TPMT: variants seen among roughly 807,000 people sequenced by gnomAD.
TPMT encodes thiopurine S-methyltransferase.
Under a neutral mutation model 34.2 loss-of-function variants are expected in TPMT, and 18 were observed. The observed-to-expected ratio is 0.53, with a 90% CI of 0.36 to 0.78. TPMT has a LOEUF of 0.78. Ranked by LOEUF, TPMT falls within the 30% of genes least tolerant of loss-of-function variation. TPMT has a pLI of 0.00. For missense variants in TPMT, 265 were observed against 288.1 expected (o/e 0.92, Z 0.58); for synonymous variants, 69 against 92.4 (o/e 0.75, Z 1.45).
In TPMT at chr6:18,136,520, G is replaced by C. The variant is rs1784042647; in HGVS notation, c.494+2443C>G. 6.6e-6 allele frequency among the ~76,000 whole-genome samples: 1 copy of C among 152,096 alleles called. No individual in the cohort carries two copies. Among genetic ancestry groups the C allele is most frequent in the Non-Finnish European group, 1.5e-5 (1 of 67,990 alleles). On this transcript the variant is annotated intron_variant, in intron 6 of 8. Transcript: ENST00000309983. The surrounding 1 kb of genome is among the most constrained non-coding windows in gnomAD (Gnocchi z 4.7). ...TAACAGAATTGATCTTTAAAGATTT[G>C]ATTTTTCAGCCAGGCGTGGTGGCTT...
At position 18,139,381 on chromosome 6, in the gene TPMT, T is replaced by A. The variant is rs1459478447; in HGVS notation, c.419+284A>T. On this transcript the variant is annotated intron_variant, in intron 5 of 8. Coordinates refer to ENST00000309983, the MANE Select transcript of TPMT (RefSeq NM_000367.5). The surrounding 1 kb of genome is among the most constrained non-coding windows in gnomAD (Gnocchi z 4.2). ...TCTCCCTTGGCTACTTGAAATTCATTTCTATTACAGGCCCAGGTGCAAGGT... is the reference window on the plus strand; with the variant it reads ...TCTCCCTTGGCTACTTGAAATTCATATCTATTACAGGCCCAGGTGCAAGGT... 6.6e-6 allele frequency among the ~76,000 whole-genome samples: 1 copy of A among 152,192 alleles called. No homozygotes were observed. Among genetic ancestry groups the A allele is most frequent in the African/African-American group, 2.4e-5 (1 of 41,446 alleles).
intron 1 of TPMT, among the ~76,000 whole-genome samples, chr6:18,152,766 T>C (rs1784377615): frequency 6.6e-6 from 1 of 152,090 alleles, no homozygotes; most frequent in Non-Finnish European, 1.5e-5. Context: ...CCTCCTCTCT[T>C]GCTAACCACA....
At chr6:18,144,240 T>G (rs1370651860) in intron 3 of TPMT, among the ~76,000 whole-genome samples, 1 of 152,244 alleles carries the variant, frequency 6.6e-6, no homozygotes, top group African/African-American at 2.4e-5. Flanking sequence ...GCTACTGTAC[T>G]AAAGTGAACA....
intron 1 of TPMT, among the ~76,000 whole-genome samples, chr6:18,152,174 A>G (rs1162114185): frequency 6.6e-6 from 1 of 152,132 alleles, no homozygotes; most frequent in African/African-American, 2.4e-5. Flanking sequence ...GCTAATCCTG[A>G]GCATTTGGGG....
At position 18,153,485 on chromosome 6, in the gene TPMT, G is replaced by A. The variant is rs972188005; in HGVS notation, c.-45+1548C>T. ...AATTTAATGATTAATCTGTGAAATA[G>A]CAAACATTGCATAAAAGCATGTATT... On this transcript the variant is annotated intron_variant, in intron 1 of 8. Coordinates refer to ENST00000309983, the MANE Select transcript of TPMT (RefSeq NM_000367.5). This position sits in a 1 kb window ranked among gnomAD's most constrained non-coding sequence, Gnocchi z 4.2. Among the ~76,000 whole-genome samples the A allele has an allele frequency of 6.6e-6, 1 of 152,162 alleles. No individual in the cohort carries two copies. Among genetic ancestry groups the A allele is most frequent in the South Asian group, 2.1e-4 (1 of 4,826 alleles).
In TPMT at chr6:18,136,783, C is replaced by T. The variant is rs1784048420; in HGVS notation, c.494+2180G>A. Among the ~76,000 whole-genome samples, 1 of 152,162 alleles carries T rather than the reference C, an allele frequency of 6.6e-6. No homozygotes were observed. Among genetic ancestry groups the T allele is most frequent in the South Asian group, 2.1e-4 (1 of 4,832 alleles). On this transcript the variant is annotated intron_variant, in intron 6 of 8. Transcript: ENST00000309983. The surrounding 1 kb of genome is among the most constrained non-coding windows in gnomAD (Gnocchi z 4.7). ...CGAGATAGTGCCATTGCACTCCAGCCTGGGCAACAAGAGCGAAACTCTGTC... is the reference window on the plus strand; with the variant it reads ...CGAGATAGTGCCATTGCACTCCAGCTTGGGCAACAAGAGCGAAACTCTGTC...
In TPMT at chr6:18,135,030, C is replaced by T. The variant is rs533769284; in HGVS notation, c.495-1141G>A. Reference sequence around the variant, plus strand: ...GTGCAGACTCTATGAGATGCCCAGGCTCAAACCCCAGCTCCTCTACTGACT... The same window carrying T: ...GTGCAGACTCTATGAGATGCCCAGGTTCAAACCCCAGCTCCTCTACTGACT... On this transcript the variant is annotated intron_variant, in intron 6 of 8. Coordinates refer to ENST00000309983, the MANE Select transcript of TPMT (RefSeq NM_000367.5). This position sits in a 1 kb window ranked among gnomAD's most constrained non-coding sequence, Gnocchi z 5.0. Among the ~76,000 whole-genome samples, 6 of 152,298 alleles carry T rather than the reference C, an allele frequency of 3.9e-5. No homozygotes were observed. Among genetic ancestry groups the T allele is most frequent in the African/African-American group, 1.4e-4 (6 of 41,562 alleles).
chr6:18,150,292 G>A lies in TPMT; in HGVS notation c.-44-1121C>T, dbSNP rs934306716. Among the ~76,000 whole-genome samples the A allele has an allele frequency of 4.6e-5, 7 of 152,190 alleles. No individual in the cohort carries two copies. The highest frequency in any genetic ancestry group is 1.7e-4 in the African/African-American group (7 of 41,454). On this transcript the variant is annotated intron_variant, in intron 1 of 8. Transcript: ENST00000309983. The surrounding 1 kb of genome is among the most constrained non-coding windows in gnomAD (Gnocchi z 5.3). ...ACCTTCACCTGTTGAGCTATTAGGA[G>A]GCTCTCCAAACCCCATCCTCTTGGG...
At position 18,136,110 on chromosome 6, in the gene TPMT, A is replaced by G. The variant is rs1253415268; in HGVS notation, c.495-2221T>C. Among the ~76,000 whole-genome samples, 2 of 152,058 alleles carry G rather than the reference A, an allele frequency of 1.3e-5. No homozygotes were observed. Among genetic ancestry groups the G allele is most frequent in the Admixed American group, 6.6e-5 (1 of 15,254 alleles). ...CGTGGTGACTTTTAGTTTGCTTCCC[A>G]CTGCTTGGTGGATTTTACCATGCCA... On this transcript the variant is annotated intron_variant, in intron 6 of 8. Coordinates refer to ENST00000309983, the MANE Select transcript of TPMT (RefSeq NM_000367.5). This position sits in a 1 kb window ranked among gnomAD's most constrained non-coding sequence, Gnocchi z 4.7.
rs756428932 is a variant in TPMT at position 18,131,103 on chromosome 6, G to A, written c.626-323C>T. Among the ~76,000 whole-genome samples the A allele has an allele frequency of 1.3e-5, 2 of 152,094 alleles. No individual in the cohort carries two copies. Among genetic ancestry groups the A allele is most frequent in the East Asian group, 1.9e-4 (1 of 5,168 alleles). ...CAGTGAGCTGAGATTGCACCATCGC[G>A]CTCTAGCCTAGGCAACAAGAGCGAA... On this transcript the variant is annotated intron_variant, in intron 8 of 8. Transcript: ENST00000309983. This position sits in a 1 kb window ranked among gnomAD's most constrained non-coding sequence, Gnocchi z 4.3.
Position 18,139,800 on chromosome 6 carries a change from C to T in TPMT, c.367-83G>A. The T allele has an allele frequency of 1.1e-6, 1 of 876,912 alleles. No homozygotes were observed. The highest frequency in any genetic ancestry group is 1.8e-6 in the Non-Finnish European group (1 of 550,282). 54.3% of individuals were successfully genotyped at this position (876,912 alleles called of 1,614,324 possible). On this transcript the variant is annotated intron_variant, in intron 4 of 8. Coordinates refer to ENST00000309983, the MANE Select transcript of TPMT (RefSeq NM_000367.5). This position sits in a 1 kb window ranked among gnomAD's most constrained non-coding sequence, Gnocchi z 4.2. ...GTCAAGGAAAGAGGGCCAAGCAAAG[C>T]AAAAGTTCTAGGGAAAGAATGTGTT...
In TPMT at chr6:18,130,686, A is replaced by G. The variant is rs1333327023; in HGVS notation, c.720T>C (p.Tyr240=). 1 of 1,609,054 alleles carries G rather than the reference A, an allele frequency of 6.2e-7. No individual in the cohort carries two copies. The highest frequency in any genetic ancestry group is 8.5e-7 in the Non-Finnish European group (1 of 1,176,844). ...WGIDCLFEKL[Y]LLTEK is the part of the protein sequence containing the mutation. Reference sequence around the variant, plus strand: ...GTCTCATTTACTTTTCTGTAAGTAGATATAACTTTTCAAAAAGACAGTCAA... The same window carrying G: ...GTCTCATTTACTTTTCTGTAAGTAGGTATAACTTTTCAAAAAGACAGTCAA... Residue 240 remains tyrosine, a synonymous_variant, in exon 9 of 9, where the codon TAT becomes TAC. Coordinates refer to ENST00000309983, the MANE Select transcript of TPMT (RefSeq NM_000367.5). The surrounding 1 kb of genome is among the most constrained non-coding windows in gnomAD (Gnocchi z 4.2).
At position 18,130,554 on chromosome 6, in the gene TPMT, A is replaced by G. The variant is rs1783921664; in HGVS notation, c.*114T>C. 1.3e-6 allele frequency: 1 copy of G among 750,898 alleles called. No homozygotes were observed. Among genetic ancestry groups the G allele is most frequent in the African/African-American group, 1.8e-5 (1 of 56,530 alleles). 46.5% of individuals were successfully genotyped at this position (750,898 alleles called of 1,614,324 possible). A position where few individuals can be genotyped will look rare whatever the true frequency, so the allele number is the denominator to read the frequency against. ...AAAAAGCCATTTTTAGTAAAGATCT[A>G]TCATATGATTTATAAACAATTTTAA... On this transcript the variant is annotated 3_prime_UTR_variant, in exon 9 of 9. Transcript: ENST00000309983. The surrounding 1 kb of genome is among the most constrained non-coding windows in gnomAD (Gnocchi z 4.2).
At position 18,139,102 on chromosome 6, in the gene TPMT, C is replaced by A; in HGVS notation, c.420-65G>T. 1.5e-6 allele frequency: 2 copies of A among 1,360,448 alleles called. No homozygotes were observed. The highest frequency in any genetic ancestry group is 2.1e-6 in the Non-Finnish European group (2 of 948,134). The allele number at this position is 1,360,448 out of a possible 1,614,324, so 84.3% of individuals were successfully genotyped here. On this transcript the variant is annotated intron_variant, in intron 5 of 8. Transcript: ENST00000309983. This position sits in a 1 kb window ranked among gnomAD's most constrained non-coding sequence, Gnocchi z 4.2. The stretch of plus-strand genomic sequence containing the variant: ...AAATCTTTAAGAAGATGAGCAGCGT[C>A]CCCCATGGTGCATGCTGGTACTTCA...
At position 18,139,675 on chromosome 6, in the gene TPMT, C is replaced by A. The variant is rs376217758; in HGVS notation, c.409G>T (p.Asp137Tyr). Reference protein sequence around the residue: ...NISLYCCSIFDLPRTNIGKFD... With the variant: ...NISLYCCSIFYLPRTNIGKFD... ...TAGTATTCAACCTACCTGGGAAGAT[C>A]AAAAATACTGCAACAGTACAATGAA... Residue 137 changes from aspartate to tyrosine, a missense_variant, in exon 5 of 9, where the codon GAT becomes TAT. Physicochemically the swap from Asp to Tyr is radical, Grantham distance 160. Coordinates refer to ENST00000309983, the MANE Select transcript of TPMT (RefSeq NM_000367.5). This position sits in a 1 kb window ranked among gnomAD's most constrained non-coding sequence, Gnocchi z 4.2. The A allele has an allele frequency of 5.3e-5, 85 of 1,612,856 alleles. No homozygotes were observed. Among genetic ancestry groups the A allele is most frequent in the South Asian group, 2.7e-4 (25 of 91,034 alleles).
chr6:18,144,893 G>C (rs1386763433), intron 3 of TPMT, among the ~76,000 whole-genome samples: 3 of 150,868 alleles, frequency 2.0e-5, no homozygotes, highest in African/African-American at 7.3e-5. Context: ...GCTAATTTTT[G>C]TATTTTTAGT....
At chr6:18,147,986 C>G in intron 2 of TPMT, 71 bp from the exon 3 acceptor site, 1 of 1,153,608 alleles carries the variant, frequency 8.7e-7, no homozygotes, top group Non-Finnish European at 1.3e-6. Context: ...CATTATCTCA[C>G]TTAATATTCC....
chr6:18,148,850 T>A lies in TPMT; in HGVS notation c.140+138A>T. The A allele has an allele frequency of 7.9e-7, 1 of 1,267,062 alleles. No individual in the cohort carries two copies. The allele number at this position is 1,267,062 out of a possible 1,614,324, so 78.5% of individuals were successfully genotyped here. On this transcript the variant is annotated intron_variant, in intron 2 of 8. Transcript: ENST00000309983. The surrounding 1 kb of genome is among the most constrained non-coding windows in gnomAD (Gnocchi z 4.1). Reference sequence around the variant, plus strand: ...ACTACATCATGCCACAGATGCACTGTGACTCGGGAGACACAAAAATGTGAA... The same window carrying A: ...ACTACATCATGCCACAGATGCACTGAGACTCGGGAGACACAAAAATGTGAA...
Position 18,147,835 on chromosome 6 carries a change from AC to A in TPMT, c.220del (p.Val74LeufsTer3). The A allele has an allele frequency of 6.2e-7, 1 of 1,613,684 alleles. No individual in the cohort carries two copies. The highest frequency in any genetic ancestry group is 1.1e-5 in the South Asian group (1 of 91,068). On this transcript the variant is annotated frameshift_variant, in exon 3 of 9. Transcript: ENST00000309983. LOFTEE classifies it high-confidence loss of function. ...RVFFPLCGKA[V>X]EMKWFADRGH... ...TATCTGCTCATACCATTTCATCTCAACCGCTTTTCCGCAAAGAGGAAAAAAT... is the reference window on the plus strand; with the variant it reads ...TATCTGCTCATACCATTTCATCTCAACGCTTTTCCGCAAAGAGGAAAAAAT...
Sources: allele counts gnomAD v4.1 joint callset (sites outside exome capture counted in the v4.1 genomes callset), GRCh38; gene constraint gnomAD v4.1.1; non-coding constraint Gnocchi (gnomAD v3.1); transcripts MANE v1.5; gene names NCBI Gene and HGNC (gene_info 2026-07-23, HGNC 2026-07-21).